Variants in SPATS2L observed in about 807,000 individuals in gnomAD.
SPATS2L encodes the protein SPATS2-like protein.
Under a neutral mutation model 59.6 loss-of-function variants are expected in SPATS2L, and 30 were observed. The observed-to-expected ratio is 0.50, with a 90% CI of 0.38 to 0.68. The LOEUF (loss-of-function observed/expected upper bound fraction) is 0.68. Among genes scored for constraint, SPATS2L ranks in the 30% least tolerant of loss-of-function variants. The pLI is 0.00. For synonymous variants in SPATS2L, 252 were observed against 263.5 expected, an observed-to-expected ratio of 0.96 and a Z score of 0.42; for missense variants, 615 against 700.0, an observed-to-expected ratio of 0.88 and a Z score of 1.37.
chr2:200,399,915 T>C (rs1054163594), intron 3 of SPATS2L, among the ~76,000 whole-genome samples: 18 of 152,204 alleles, frequency 1.2e-4, no homozygotes, highest in Admixed American at 7.2e-4. Context: ...TAGTGACTTA[T>C]ACCTTTATGG....
intron 7 of SPATS2L, among the ~76,000 whole-genome samples, chr2:200,440,219 C>G (rs1395408748): frequency 6.6e-6 from 1 of 152,224 alleles, no homozygotes; most frequent in South Asian, 2.1e-4. Context: ...ATGCCCCATC[C>G]TCTCTCTATC....
At chr2:200,459,743 T>C (rs763136500) in intron 8 of SPATS2L, 26 bp from the exon 9 acceptor site, 1 of 1,577,232 alleles carries the variant, frequency 6.3e-7, no homozygotes, top group South Asian at 1.1e-5. Flanking sequence ...TTCTTTGCTT[T>C]TGTTTTTGTT....
chr2:200,410,511 C>G (rs950580814), intron 3 of SPATS2L, among the ~76,000 whole-genome samples: 1 of 152,168 alleles, frequency 6.6e-6, no homozygotes, highest in Non-Finnish European at 1.5e-5. Flanking sequence ...TGGTCCCTGC[C>G]CAGTTCTGGC....
chr2:200,408,348 G>A (rs575608206), intron 3 of SPATS2L, among the ~76,000 whole-genome samples: 2 of 152,340 alleles, frequency 1.3e-5, no homozygotes, highest in East Asian at 1.9e-4. Context: ...TTATTCTTAA[G>A]TTCTTAAGGA....
At chr2:200,438,956 C>T (rs993417867) in intron 6 of SPATS2L, among the ~76,000 whole-genome samples, 166 bp from the exon 7 acceptor site, 1 of 152,188 alleles carries the variant, frequency 6.6e-6, no homozygotes, top group Non-Finnish European at 1.5e-5. Context: ...CTAGTACACC[C>T]TCTAATCTTC....
chr2:200,307,848 G>C (rs778282225), intron 1 of SPATS2L, among the ~76,000 whole-genome samples: 1 of 152,248 alleles, frequency 6.6e-6, no homozygotes, highest in Non-Finnish European at 1.5e-5. Context: ...GGGTTTTGGA[G>C]ACCTGACACT....
At chr2:200,362,650 G>A (rs538920113) in intron 2 of SPATS2L, among the ~76,000 whole-genome samples, 5 of 152,306 alleles carry the variant, frequency 3.3e-5, no homozygotes, top group Non-Finnish European at 7.4e-5. Context: ...TTAGATGGGC[G>A]ATTGTGCACC....
intron 2 of SPATS2L, among the ~76,000 whole-genome samples, chr2:200,331,848 A>G (rs1478332862): frequency 6.6e-6 from 1 of 152,232 alleles, no homozygotes; most frequent in Non-Finnish European, 1.5e-5. Flanking sequence ...TTTTGCTCGT[A>G]CCACAGTATT....
chr2:200,360,777 C>G (rs2081071357), intron 2 of SPATS2L, among the ~76,000 whole-genome samples: 2 of 152,164 alleles, frequency 1.3e-5, no homozygotes, highest in African/African-American at 2.4e-5. Context: ...AAAAGGAGCA[C>G]TCTTTCTTTT....
chr2:200,477,609 A>G, intron 12 of SPATS2L, 27 bp from the exon 13 acceptor site: 2 of 1,494,412 alleles, frequency 1.3e-6, no homozygotes, highest in Non-Finnish European at 1.8e-6. Context: ...CTGGCATCTG[A>G]TACTTATCTC....
chr2:200,402,396 C>T (rs139592167), intron 3 of SPATS2L, among the ~76,000 whole-genome samples: 127 of 152,294 alleles, frequency 8.3e-4, no homozygotes, highest in African/African-American at 3.0e-3. Flanking sequence ...AATCTTTGAC[C>T]TTCATTCCTT....
chr2:200,317,320 A>G (rs1050749770), intron 1 of SPATS2L, among the ~76,000 whole-genome samples: 1 of 152,222 alleles, frequency 6.6e-6, no homozygotes, highest in Non-Finnish European at 1.5e-5. Context: ...CAGTTTTCTC[A>G]TGTATGAAGC....
At chr2:200,414,524 G>A (rs2082991357) in intron 4 of SPATS2L, among the ~76,000 whole-genome samples, 4 of 152,020 alleles carry the variant, frequency 2.6e-5, no homozygotes. Context: ...CAGCTACTCT[G>A]GAGGCTGAGG....
intron 3 of SPATS2L, among the ~76,000 whole-genome samples, chr2:200,407,588 G>A (rs2082731190): frequency 6.6e-6 from 1 of 152,148 alleles, no homozygotes; most frequent in African/African-American, 2.4e-5. Context: ...GCCTTGGAAG[G>A]ATAGACAGGC....
chr2:200,340,641 A>C (rs544505145), intron 2 of SPATS2L, among the ~76,000 whole-genome samples: 29 of 152,276 alleles, frequency 1.9e-4, no homozygotes, highest in African/African-American at 6.7e-4. Context: ...GTGGTCCTCC[A>C]GAGAAGTGCC....
chr2:200,473,710 T>C (rs1246261092), intron 12 of SPATS2L, among the ~76,000 whole-genome samples: 1 of 152,138 alleles, frequency 6.6e-6, no homozygotes, highest in Non-Finnish European at 1.5e-5. Context: ...TAACAAAAAA[T>C]TGGGATCTGC....
rs1012714145 is a variant in SPATS2L, at chr2:200,427,420, A to G, written c.445+7924A>G. Among the ~76,000 whole-genome samples the G allele has an allele frequency of 1.4e-4, 21 of 150,794 alleles. No homozygotes were observed. The Middle Eastern group carries it at 0.011, about 76-fold the overall frequency. ...GTTTTGCAGAGAAATAAGACAGTGG[A>G]AAAAATCAAGTTATACATATACATA... On this transcript the variant is annotated intron_variant, in intron 6 of 12. Coordinates refer to ENST00000409140, the MANE Select transcript of SPATS2L (RefSeq NM_001100423.2).
At chr2:200,350,854 G>C (rs2080700883) in intron 2 of SPATS2L, among the ~76,000 whole-genome samples, 2 of 152,034 alleles carry the variant, frequency 1.3e-5, no homozygotes, top group African/African-American at 2.4e-5. Flanking sequence ...ATTTTAAGTA[G>C]ACCTAAAATC....
intron 4 of SPATS2L, 80 bp downstream of exon 4, chr2:200,412,499 T>G (rs1327052725): frequency 2.7e-6 from 2 of 731,414 alleles, no homozygotes; most frequent in Non-Finnish European, 4.4e-6. Context: ...TTAAATGAAC[T>G]GAATATCAAT....
Sources: gnomAD v4.1 joint callset for allele counts (sites outside exome capture counted in the v4.1 genomes callset) on GRCh38, gnomAD v4.1.1 for gene constraint, MANE v1.5 for transcripts, NCBI Gene and HGNC (gene_info 2026-07-23, HGNC 2026-07-21) for gene names.